PEX2: variants seen among roughly 807,000 people sequenced by gnomAD.
The protein encoded by PEX2 is peroxisome biogenesis factor 2.
PEX2 carries 19 observed loss-of-function variants against 25.2 expected under a neutral mutation model. That is an observed-to-expected ratio of 0.75 (90% confidence interval 0.53 to 1.10). PEX2 has a LOEUF of 1.10. Ranked by LOEUF, PEX2 falls within the 50% of genes least tolerant of loss-of-function variation. The probability of loss-of-function intolerance (pLI) is 0.00; values close to 1 mark genes in which losing one functional copy is unlikely to be tolerated. For missense variants in PEX2, 347 were observed against 350.6 expected (o/e 0.99, Z 0.08); for synonymous variants, 141 against 127.7 (o/e 1.10, Z -0.70).
At position 76,983,491 on chromosome 8, in the gene PEX2, C is replaced by T. The variant is rs1475641448; in HGVS notation, c.688G>A (p.Ala230Thr). ...LSSWCIPLTGAPNSDNTLATS... is the reference protein window; with the variant it reads ...LSSWCIPLTGTPNSDNTLATS... ...GCTAATGTATTGTCACTATTAGGTG[C>T]ACCAGTAAGAGGAATACACCATGAA... Residue 230 changes from alanine (A) to threonine (T), a missense_variant, in exon 4 of 4, where the codon GCA becomes ACA. Coordinates refer to ENST00000357039, the MANE Select transcript of PEX2 (RefSeq NM_000318.3). 1.2e-6 allele frequency: 2 copies of T among 1,614,062 alleles called. No individual in the cohort carries two copies. The highest frequency in any genetic ancestry group is 2.7e-5 in the African/African-American group (2 of 75,058).
intron 1 of PEX2, among the ~76,000 whole-genome samples, chr8:76,998,935 C>A (rs1475381110): frequency 1.3e-5 from 2 of 151,184 alleles, no homozygotes; most frequent in Non-Finnish European, 2.9e-5. Flanking sequence ...GTCTAGTATT[C>A]GCTCTATGTC....
In PEX2 at chr8:76,983,463, G is replaced by A. The variant is rs1264938864; in HGVS notation, c.716C>T (p.Thr239Ile). ...GAPNSDNTLA[T>I]SGKECALCGE... ...ACATAGAGCGCATTCTTTGCCACTGGTGGCTAATGTATTGTCACTATTAGG... is the reference window on the plus strand; with the variant it reads ...ACATAGAGCGCATTCTTTGCCACTGATGGCTAATGTATTGTCACTATTAGG... Residue 239 changes from threonine (T) to isoleucine (I), a missense_variant, in exon 4 of 4, where the codon ACC becomes ATC. Coordinates refer to ENST00000357039, the MANE Select transcript of PEX2 (RefSeq NM_000318.3). 29 of 1,614,022 alleles carry A rather than the reference G, an allele frequency of 1.8e-5. No individual in the cohort carries two copies. Among genetic ancestry groups the A allele is most frequent in the Non-Finnish European group, 2.5e-5 (29 of 1,180,034 alleles).
At chr8:76,986,813 G>A (rs897546202) in intron 2 of PEX2, among the ~76,000 whole-genome samples, 2 of 152,046 alleles carry the variant, frequency 1.3e-5, no homozygotes, top group Non-Finnish European at 2.9e-5. Flanking sequence ...TCTATGTACT[G>A]TACATAAACT....
rs145776031 is a variant in PEX2 at position 76,994,418 on chromosome 8, A to G, written c.-160+5572T>C. Among the ~76,000 whole-genome samples, 6 of 152,264 alleles carry G rather than the reference A, an allele frequency of 3.9e-5. 1 individual carries two copies. The highest frequency in any genetic ancestry group is 1.4e-4 in the African/African-American group (6 of 41,546). On this transcript the variant is annotated intron_variant, in intron 1 of 3. Transcript: ENST00000357039. ...ATCAATAATAATGTGGGTATTGTCA[A>G]GGGCCTGTCAATATTAACGTAATTA...
intron 1 of PEX2, among the ~76,000 whole-genome samples, chr8:76,996,794 ATTCT>A (rs1807345871): frequency 7.5e-6 from 1 of 134,200 alleles, no homozygotes; most frequent in African/African-American, 2.6e-5. Flanking sequence ...TTTTCTTTAC[ATTCT>A]TTATTTCATT....
chr8:76,990,879 G>A (rs1807151165), intron 1 of PEX2, among the ~76,000 whole-genome samples: 1 of 150,260 alleles, frequency 6.7e-6, no homozygotes, highest in Non-Finnish European at 1.5e-5. Flanking sequence ...TTGAGTAAAT[G>A]CTGTTGGAAA....
chr8:76,999,931 C>T (rs1473058626), intron 1 of PEX2, 59 bp downstream of exon 1: 3 of 456,528 alleles, frequency 6.6e-6, no homozygotes, highest in Admixed American at 2.3e-5. Context: ...ACTCCACGAC[C>T]TCCCAGCTGA....
chr8:76,981,830 T>C lies in PEX2; in HGVS notation c.*1431A>G, dbSNP rs1304666065. Reference sequence around the variant, plus strand: ...TTACAGAAGGCAAAAGAAGGCAAATTCTTAAGATGTAAAATACTCTTAACT... The same window carrying C: ...TTACAGAAGGCAAAAGAAGGCAAATCCTTAAGATGTAAAATACTCTTAACT... On this transcript the variant is annotated 3_prime_UTR_variant, in exon 4 of 4. Coordinates refer to ENST00000357039, the MANE Select transcript of PEX2 (RefSeq NM_000318.3). 1.3e-5 allele frequency: 2 copies of C among 152,238 alleles called. No individual in the cohort carries two copies. Among genetic ancestry groups the C allele is most frequent in the African/African-American group, 2.4e-5 (1 of 41,462 alleles). 9.4% of individuals were successfully genotyped at this position (152,238 alleles called of 1,614,324 possible).
chr8:76,980,771 G>A lies in PEX2; in HGVS notation c.*2490C>T, dbSNP rs1479065793. On this transcript the variant is annotated 3_prime_UTR_variant, in exon 4 of 4. Coordinates refer to ENST00000357039, the MANE Select transcript of PEX2 (RefSeq NM_000318.3). The stretch of plus-strand genomic sequence containing the variant: ...TCAGAGTAATACTGACAACAGCAAA[G>A]GAAAGCACTACTATTATATTCTATT... The A allele has an allele frequency of 6.6e-6, 1 of 152,190 alleles. No individual in the cohort carries two copies. The allele number at this position is 152,190 out of a possible 1,614,324, so 9.4% of individuals were successfully genotyped here.
At position 76,983,182 on chromosome 8, in the gene PEX2, A is replaced by G; in HGVS notation, c.*79T>C. ...AGCACATTCCTTATAAAGGATACAT[A>G]AATGGTATACTTAGGATGACTAATA... is the stretch of plus-strand genomic sequence containing the variant. On this transcript the variant is annotated 3_prime_UTR_variant, in exon 4 of 4. Transcript: ENST00000357039. 1.9e-6 allele frequency: 3 copies of G among 1,598,306 alleles called. No homozygotes were observed. The highest frequency in any genetic ancestry group is 4.5e-5 in the East Asian group (2 of 44,876).
At chr8:76,985,627 A>T (rs1323947351) in intron 3 of PEX2, among the ~76,000 whole-genome samples, 2 of 152,188 alleles carry the variant, frequency 1.3e-5, no homozygotes, top group African/African-American at 2.4e-5. Flanking sequence ...CTAGGGGAAA[A>T]AAACACAAAA....
intron 3 of PEX2, among the ~76,000 whole-genome samples, chr8:76,984,481 C>T (rs1806948669): frequency 6.6e-6 from 1 of 152,152 alleles, no homozygotes; most frequent in Non-Finnish European, 1.5e-5. Context: ...AAACTGTACC[C>T]TCTTTCCACA....
intron 1 of PEX2, among the ~76,000 whole-genome samples, chr8:76,993,227 G>C (rs546628725): frequency 6.0e-4 from 92 of 152,290 alleles, no homozygotes; most frequent in African/African-American, 2.1e-3. Context: ...TCATTGAAGA[G>C]AAGAGACATA....
chr8:76,984,068 A>G lies in PEX2; in HGVS notation c.111T>C (p.Phe37=). 6.2e-7 allele frequency: 1 copy of G among 1,612,648 alleles called. No individual in the cohort carries two copies. The change falls in exon 4 of 4, where the codon TTT becomes TTC. Residue 37 remains phenylalanine (F), a synonymous_variant. Coordinates refer to ENST00000357039, the MANE Select transcript of PEX2 (RefSeq NM_000318.3). ...GTTTAAATCCATGAAAGCACTGAGT[A>G]AACTGGGACCAAACTAGCTGCTCCA... The part of the protein sequence containing the change: ...KALEQLVWSQ[F]TQCFHGFKPG...
chr8:76,991,585 A>G (rs1029356711), intron 1 of PEX2, among the ~76,000 whole-genome samples: 7 of 152,232 alleles, frequency 4.6e-5, no homozygotes, highest in African/African-American at 1.7e-4. Flanking sequence ...AGTTGTAAAC[A>G]TAGAACAGAC....
intron 3 of PEX2, among the ~76,000 whole-genome samples, chr8:76,984,700 A>G (rs1450167775): frequency 6.6e-6 from 1 of 152,140 alleles, no homozygotes; most frequent in Non-Finnish European, 1.5e-5. Flanking sequence ...CAAAGGTGTT[A>G]TTTTTTCAGC....
In PEX2 at chr8:76,983,591, G is replaced by C; in HGVS notation, c.588C>G (p.Leu196=). The C allele has an allele frequency of 1.2e-6, 2 of 1,614,136 alleles. No individual in the cohort carries two copies. The highest frequency in any genetic ancestry group is 2.2e-5 in the East Asian group (1 of 44,880). The part of the protein sequence containing the change: ...VGFEYMNREL[L]WHGFAEFLIF... The stretch of plus-strand genomic sequence containing the variant: ...TCAGAAATTCAGCAAAACCATGCCA[G>C]AGAAGTTCCCTATTCATGTATTCAA... Residue 196 remains leucine (L), a synonymous_variant, in exon 4 of 4, where the codon CTC becomes CTG. Transcript: ENST00000357039.
At position 76,988,353 on chromosome 8, in the gene PEX2, A is replaced by G. The variant is rs937981595; in HGVS notation, c.-159-15T>C. On this transcript the variant is annotated splice_polypyrimidine_tract_variant and intron_variant, in intron 1 of 3. Transcript: ENST00000357039. ...GTTCCAGACCACTGCAATAAAGCAAATATCACAATAAAGTAAGTTACACAA... is the reference window on the plus strand; with the variant it reads ...GTTCCAGACCACTGCAATAAAGCAAGTATCACAATAAAGTAAGTTACACAA... 20 of 152,346 alleles carry G rather than the reference A, an allele frequency of 1.3e-4. No individual in the cohort carries two copies. The highest frequency in any genetic ancestry group is 4.8e-4 in the African/African-American group (20 of 41,470). 9.4% of individuals were successfully genotyped at this position (152,346 alleles called of 1,614,324 possible).
chr8:76,987,727 C>T (rs1233405882), intron 2 of PEX2, among the ~76,000 whole-genome samples: 1 of 152,074 alleles, frequency 6.6e-6, no homozygotes, highest in Non-Finnish European at 1.5e-5. Flanking sequence ...AAAGGGTTAT[C>T]TTTGACAGCG....
Sources: allele counts gnomAD v4.1 joint callset (sites outside exome capture counted in the v4.1 genomes callset), GRCh38; gene constraint gnomAD v4.1.1; transcripts MANE v1.5; gene names NCBI Gene and HGNC (gene_info 2026-07-23, HGNC 2026-07-21).